The following DNAJC16 variants were observed in gnomAD, a reference collection of about 807,000 sequenced individuals.
DNAJC16 encodes the protein DnaJ heat shock protein family (Hsp40) member C16, also known as dnaJ homolog subfamily C member 16.
Under a neutral mutation model 92.7 loss-of-function variants are expected in DNAJC16, and 76 were observed. The ratio of observed to expected loss-of-function variants is 0.82; its 90% CI spans 0.68 to 0.99. The LOEUF (loss-of-function observed/expected upper bound fraction) is 0.99, where lower values mean the gene tolerates loss of function less well. Among genes scored for constraint, DNAJC16 ranks in the 50% least tolerant of loss-of-function variants. DNAJC16 has a pLI of 0.00. For synonymous variants in DNAJC16, 328 were observed against 358.7 expected, an observed-to-expected ratio of 0.91 and a Z score of 0.97; for missense variants, 869 against 942.4, an observed-to-expected ratio of 0.92 and a Z score of 1.02.
At chr1:15,561,888 C>A (rs1638700211) in intron 8 of DNAJC16, among the ~76,000 whole-genome samples, 1 of 151,758 alleles carries the variant, frequency 6.6e-6, no homozygotes, top group Non-Finnish European at 1.5e-5. Context: ...TATAAAATTT[C>A]ATATATATAA....
intron 10 of DNAJC16, 68 bp downstream of exon 10, chr1:15,564,179 T>C: frequency 6.3e-7 from 1 of 1,591,350 alleles, no homozygotes; most frequent in South Asian, 1.1e-5. Flanking sequence ...TGGTGGCGGA[T>C]TTCTGCTCAG....
Position 15,548,303 on chromosome 1 carries a change from T to C in DNAJC16, c.898T>C (p.Phe300Leu). The change falls in exon 7 of 15, where the codon TTT becomes CTT. Residue 300 changes from phenylalanine (F) to leucine (L), a missense_variant. By Grantham distance (22) the Phe-to-Leu change is conservative. Coordinates refer to ENST00000375847, the MANE Select transcript of DNAJC16 (RefSeq NM_015291.4). ...CTTTGCATACAAAGATTATTTATCATTTGGATATGTATATGTGGGTTTGAG... is the reference window on the plus strand; with the variant it reads ...CTTTGCATACAAAGATTATTTATCACTTGGATATGTATATGTGGGTTTGAG... ...TAFAYKDYLS[F>L]GYVYVGLRGT... The C allele has an allele frequency of 2.5e-6, 4 of 1,614,134 alleles. No homozygotes were observed. Among genetic ancestry groups the C allele is most frequent in the Non-Finnish European group, 3.4e-6 (4 of 1,179,984 alleles).
chr1:15,527,221 C>T (rs1037027573), intron 1 of DNAJC16, among the ~76,000 whole-genome samples: 3 of 152,186 alleles, frequency 2.0e-5, no homozygotes, highest in Admixed American at 6.5e-5. Context: ...CCTGGATATG[C>T]TGCCCAGAGA....
chr1:15,554,349 A>G (rs1638518960), intron 7 of DNAJC16, among the ~76,000 whole-genome samples: 1 of 152,146 alleles, frequency 6.6e-6, no homozygotes, highest in Non-Finnish European at 1.5e-5. Flanking sequence ...TGTCTTTTTG[A>G]TGAACATAAA....
intron 7 of DNAJC16, among the ~76,000 whole-genome samples, chr1:15,552,631 T>G (rs956791459): frequency 6.6e-6 from 1 of 152,046 alleles, no homozygotes; most frequent in Non-Finnish European, 1.5e-5. Context: ...TCTTCTTTTT[T>G]TTATTTTAAT....
At chr1:15,550,037 G>A (rs1638409835) in intron 7 of DNAJC16, among the ~76,000 whole-genome samples, 1 of 152,142 alleles carries the variant, frequency 6.6e-6, no homozygotes, top group African/African-American at 2.4e-5. Flanking sequence ...TGGGGGTCTT[G>A]GAACGTATCC....
chr1:15,529,257 A>G lies in DNAJC16; in HGVS notation c.152A>G (p.Lys51Arg), dbSNP rs761511967. ...SQADIKKAYK[K>R]LAREWHPDKN... ...GCTGATATTAAAAAGGCTTATAAGA[A>G]GCTCGCCCGGGAATGGTAGGTGAAA... The change falls in exon 2 of 15, where the codon AAG becomes AGG. Residue 51 changes from lysine (K) to arginine (R), a missense_variant. Coordinates refer to ENST00000375847, the MANE Select transcript of DNAJC16 (RefSeq NM_015291.4). 1 of 1,609,276 alleles carries G rather than the reference A, an allele frequency of 6.2e-7. No individual in the cohort carries two copies.
At chr1:15,542,935 C>A (rs1445498633) in intron 4 of DNAJC16, among the ~76,000 whole-genome samples, 2 of 152,180 alleles carry the variant, frequency 1.3e-5, no homozygotes, top group Non-Finnish European at 2.9e-5. Context: ...ATCTCTTACA[C>A]AATGAGTGTC....
At chr1:15,561,798 TAGG>T (rs1638698176) in intron 8 of DNAJC16, among the ~76,000 whole-genome samples, 1 of 151,604 alleles carries the variant, frequency 6.6e-6, no homozygotes, top group South Asian at 2.1e-4. Flanking sequence ...GAGCCTGAGG[TAGG>T]AGGATTGTCT....
At chr1:15,559,233 C>T (rs571314030) in intron 7 of DNAJC16, among the ~76,000 whole-genome samples, 3 of 152,266 alleles carry the variant, frequency 2.0e-5, no homozygotes, top group Admixed American at 6.5e-5. Flanking sequence ...CCACCACGTC[C>T]GGCCATGACT....
At chr1:15,554,001 C>T (rs925123703) in intron 7 of DNAJC16, among the ~76,000 whole-genome samples, 1 of 151,912 alleles carries the variant, frequency 6.6e-6, no homozygotes, top group Non-Finnish European at 1.5e-5. Context: ...CCCAGGAGGT[C>T]GAGACCAGCC....
intron 5 of DNAJC16, 145 bp from the exon 6 acceptor site, chr1:15,546,622 A>G: frequency 1.6e-6 from 1 of 621,558 alleles, no homozygotes; most frequent in Non-Finnish European, 2.8e-6. Context: ...GCTTTAGCCA[A>G]ATGAAGACAA....
At chr1:15,566,976 A>G in intron 13 of DNAJC16, 123 bp from the exon 14 acceptor site, 17 of 901,934 alleles carry the variant, frequency 1.9e-5, no homozygotes, top group Non-Finnish European at 2.5e-5. Flanking sequence ...GTTAGACTCA[A>G]GAATAGTGAA....
At position 15,532,389 on chromosome 1, in the gene DNAJC16, A is replaced by AT. The variant is rs937295073; in HGVS notation, c.168-1837dup. 1.0e-3 allele frequency among the ~76,000 whole-genome samples: 151 copies of AT among 149,010 alleles called. 1 individual carries two copies. The highest frequency in any genetic ancestry group is 3.4e-3 in the African/African-American group (139 of 40,766). ...TTGGACAATACTTTCCTATGGCTGA[A>AT]TTTTTTTTTTTATGTTTTCAACCTT... On this transcript the variant is annotated intron_variant, in intron 2 of 14. Transcript: ENST00000375847.
chr1:15,566,591 AGCAGCATCAAGCAGGGCACAGTGGCTCAC>A (rs1638815823), intron 13 of DNAJC16: 1 of 191,382 alleles, frequency 5.2e-6, no homozygotes, highest in South Asian at 1.1e-4. Context: ...GCACCTGAAA[AGCAGCATCAAGCAGGGCACAGTGGCTCAC>A]GCCTGTAATC....
intron 1 of DNAJC16, among the ~76,000 whole-genome samples, chr1:15,527,636 GA>G (rs1394264540): frequency 1.3e-5 from 2 of 152,150 alleles, no homozygotes; most frequent in African/African-American, 4.8e-5. Flanking sequence ...TGTTTTCTAG[GA>G]TATAATAGGT....
rs370266079 is a variant in DNAJC16 at position 15,549,580 on chromosome 1, C to T, written c.1023+1152C>T. Among the ~76,000 whole-genome samples, 223 of 151,592 alleles carry T rather than the reference C, an allele frequency of 1.5e-3. 1 individual carries two copies. The highest frequency in any genetic ancestry group is 4.1e-3 in the East Asian group (21 of 5,152). ...CTGTAATCCCAGCACTTTGGGAGGC[C>T]GAGGCGGGCAGATCACGAGGTCAGG... On this transcript the variant is annotated intron_variant, in intron 7 of 14. Transcript: ENST00000375847.
At chr1:15,528,118 C>T (rs1440185239) in intron 1 of DNAJC16, among the ~76,000 whole-genome samples, 1 of 152,146 alleles carries the variant, frequency 6.6e-6, no homozygotes, top group Admixed American at 6.5e-5. Context: ...GCCGCTTTTT[C>T]TCATCTGAGG....
rs774933755 is a variant in DNAJC16, at chr1:15,562,328, A to G, written c.1338+3A>G. On this transcript the variant is annotated splice_donor_region_variant and intron_variant, in intron 9 of 14. Transcript: ENST00000375847. ...AGGCGTTTCAAGGGAAATCAGCGGT[A>G]AGCCACAGAGTCTCTCCTCATCCCA... 2 of 1,612,052 alleles carry G rather than the reference A, an allele frequency of 1.2e-6. No homozygotes were observed. Among genetic ancestry groups the G allele is most frequent in the South Asian group, 2.2e-5 (2 of 90,836 alleles).
Sources: allele counts gnomAD v4.1 joint callset (sites outside exome capture counted in the v4.1 genomes callset), GRCh38; gene constraint gnomAD v4.1.1; transcripts MANE v1.5; gene names NCBI Gene and HGNC (gene_info 2026-07-23, HGNC 2026-07-21).